PTK2: variants seen among roughly 807,000 people sequenced by gnomAD.
The protein encoded by PTK2 is protein tyrosine kinase 2.
Under a neutral mutation model 150.1 loss-of-function variants are expected in PTK2, and 45 were observed. The observed-to-expected ratio is 0.30, with a 90% CI of 0.24 to 0.38. PTK2 has a LOEUF of 0.38. Ranked by LOEUF, PTK2 falls within the 10% of genes least tolerant of loss-of-function variation. The pLI is 1.00. For synonymous variants in PTK2, 432 were observed against 449.2 expected, an observed-to-expected ratio of 0.96 and a Z score of 0.48; for missense variants, 919 against 1,307.3, an observed-to-expected ratio of 0.70 and a Z score of 4.58.
intron 10 of PTK2, among the ~76,000 whole-genome samples, chr8:140,813,861 C>T (rs2100103079): frequency 6.6e-6 from 1 of 151,754 alleles, no homozygotes; most frequent in Non-Finnish European, 1.5e-5. Flanking sequence ...GTTGCTAAAC[C>T]AAAACCAAGA....
intron 7 of PTK2, among the ~76,000 whole-genome samples, chr8:140,832,495 T>C (rs2100116061): frequency 6.6e-6 from 1 of 152,186 alleles, no homozygotes; most frequent in Non-Finnish European, 1.5e-5. Flanking sequence ...TAAGACTGTT[T>C]ATGAAGTTCC....
chr8:140,842,596 A>G (rs1320131783), intron 7 of PTK2, among the ~76,000 whole-genome samples: 1 of 152,106 alleles, frequency 6.6e-6, no homozygotes, highest in East Asian at 1.9e-4. Flanking sequence ...CAAATAGAAT[A>G]GTCAAGGTGC....
At chr8:140,760,485 ATATAT>A (rs1296975966) in intron 16 of PTK2, among the ~76,000 whole-genome samples, 4 of 152,254 alleles carry the variant, frequency 2.6e-5, no homozygotes, top group African/African-American at 4.8e-5. Flanking sequence ...TAAAAAATCC[ATATAT>A]TATATGTTTC....
intron 1 of PTK2, among the ~76,000 whole-genome samples, chr8:140,997,285 T>C (rs747690220): frequency 5.1e-4 from 78 of 152,350 alleles, no homozygotes; most frequent in Non-Finnish European, 4.3e-4. Context: ...AATCTACCCC[T>C]GGTGAAGATG....
chr8:140,883,823 TGGGA>T, intron 3 of PTK2, among the ~76,000 whole-genome samples: 1 of 152,168 alleles, frequency 6.6e-6, no homozygotes, highest in East Asian at 1.9e-4. Flanking sequence ...ACCACAAACT[TGGGA>T]GCTTAAAACA....
chr8:140,694,897 GAC>G (rs1040751965), intron 26 of PTK2, among the ~76,000 whole-genome samples: 11 of 152,170 alleles, frequency 7.2e-5, no homozygotes, highest in African/African-American at 2.7e-4. Context: ...TTCTACAACC[GAC>G]ACACACTACC....
At chr8:140,697,982 C>G (rs2100027877) in intron 26 of PTK2, among the ~76,000 whole-genome samples, 1 of 149,312 alleles carries the variant, frequency 6.7e-6, no homozygotes, top group South Asian at 2.1e-4. Flanking sequence ...GTCACTGTGC[C>G]TGGCTGGAAT....
intron 1 of PTK2, among the ~76,000 whole-genome samples, chr8:141,000,350 G>A (rs1338242091): frequency 6.6e-6 from 1 of 152,198 alleles, no homozygotes; most frequent in Non-Finnish European, 1.5e-5. Context: ...TGCGTTCGGG[G>A]ACACGGCGGG....
chr8:140,721,004 G>A (rs780996765), intron 22 of PTK2, among the ~76,000 whole-genome samples: 27 of 151,702 alleles, frequency 1.8e-4, no homozygotes, highest in Admixed American at 5.3e-4. Context: ...TGATCCGCCC[G>A]CCTTGGCCTT....
chr8:140,710,423 C>A (rs1591583717), intron 23 of PTK2, among the ~76,000 whole-genome samples: 2 of 150,948 alleles, frequency 1.3e-5, no homozygotes, highest in East Asian at 3.9e-4. Context: ...TGGTTCAAGA[C>A]TTTGGGAGGC....
intron 22 of PTK2, among the ~76,000 whole-genome samples, chr8:140,729,937 G>C (rs2100048189): frequency 6.6e-6 from 1 of 152,142 alleles, no homozygotes; most frequent in African/African-American, 2.4e-5. Context: ...GTATGCCCCA[G>C]GACTGTGAGG....
chr8:141,001,201 T>A (rs1365845226), exon 1 of PTK2: 1 of 149,922 alleles, frequency 6.7e-6, no homozygotes, highest in Admixed American at 6.6e-5. Context: ...CCGCGCTTCC[T>A]CCCACGCCTC....
At chr8:140,904,833 T>C (rs2100160223) in intron 2 of PTK2, among the ~76,000 whole-genome samples, 1 of 152,226 alleles carries the variant, frequency 6.6e-6, no homozygotes, top group South Asian at 2.1e-4. Context: ...TTCTGTGGGA[T>C]CAGTGGTGAT....
intron 1 of PTK2, among the ~76,000 whole-genome samples, chr8:140,960,628 G>A (rs2100182820): frequency 6.6e-6 from 1 of 152,154 alleles, no homozygotes; most frequent in Admixed American, 6.6e-5. Flanking sequence ...CTTATCAGGT[G>A]AACTACCAAA....
At chr8:140,717,694 T>C (rs2100040544) in exon 23 of PTK2, 2 of 1,613,796 alleles carry the variant, frequency 1.2e-6, no homozygotes, top group Middle Eastern at 1.6e-4. Flanking sequence ...GAGCCTTCTC[T>C]TCCTCCAGGA....
chr8:140,890,952 G>A (rs781423000), intron 2 of PTK2, among the ~76,000 whole-genome samples, 183 bp from the exon 3 acceptor site: 1 of 151,968 alleles, frequency 6.6e-6, no homozygotes, highest in Non-Finnish European at 1.5e-5. Context: ...ACCCAGAGTA[G>A]GACCTGATTT....
intron 5 of PTK2, among the ~76,000 whole-genome samples, chr8:140,849,864 A>G (rs1483171455): frequency 2.6e-5 from 4 of 152,234 alleles, no homozygotes; most frequent in African/African-American, 9.6e-5. Context: ...TCAACCCCGA[A>G]AACTCCAGCT....
chr8:140,675,629 AG>A (rs1423390505), intron 27 of PTK2, 130 bp from the exon 31 acceptor site: 4 of 687,072 alleles, frequency 5.8e-6, no homozygotes, highest in Admixed American at 5.4e-5. Flanking sequence ...TGAACAAAAC[AG>A]GGTTCTGCAT....
At position 140,803,430 on chromosome 8, in the gene PTK2, G is replaced by A. The variant is rs1230907741; in HGVS notation, c.975+113C>T. On this transcript the variant is annotated intron_variant, in intron 11 of 31. Transcript: ENST00000522684. Reference sequence around the variant, plus strand: ...TGTAACCCTTTCTATATATAAGAAAGTTGTGATTCTGATGATCCATAAAAA... The same window carrying A: ...TGTAACCCTTTCTATATATAAGAAAATTGTGATTCTGATGATCCATAAAAA... 4 of 803,698 alleles carry A rather than the reference G, an allele frequency of 5.0e-6. No individual in the cohort carries two copies. In the East Asian group the frequency reaches 1.1e-4, roughly 21 times the overall value. The allele number at this position is 803,698 out of a possible 1,614,324, so 49.8% of individuals were successfully genotyped here.
Sources: allele counts gnomAD v4.1 joint callset (sites outside exome capture counted in the v4.1 genomes callset), GRCh38; gene constraint gnomAD v4.1.1; transcripts MANE v1.5; gene names NCBI Gene and HGNC (gene_info 2026-07-23, HGNC 2026-07-21).